The following SEC23A variants were observed in gnomAD, a reference collection of about 807,000 sequenced individuals.
SEC23A encodes the protein SEC23 homolog A, COPII component, also known as protein transport protein Sec23A.
A neutral mutation model predicts 103.7 loss-of-function variants in SEC23A; 56 were observed. That is an observed-to-expected ratio of 0.54 (90% CI 0.44 to 0.67). The LOEUF is 0.67. Ranked by LOEUF, SEC23A falls within the 30% of genes least tolerant of loss-of-function variation. The pLI is 0.00. For missense variants in SEC23A, 784 were observed against 936.4 expected, an observed-to-expected ratio of 0.84 and a Z score of 2.12; for synonymous variants, 281 against 293.0, an observed-to-expected ratio of 0.96 and a Z score of 0.42.
intron 9 of SEC23A, 70 bp downstream of exon 9, chr14:39,074,342 CATT>C: frequency 1.1e-6 from 1 of 952,160 alleles, no homozygotes; most frequent in South Asian, 1.3e-5. Context: ...CCTAAATGGT[CATT>C]ATTGGTTTAT....
In SEC23A at chr14:39,086,925, T is replaced by C. The variant is rs1295234962; in HGVS notation, c.683+4A>G. On this transcript the variant is annotated splice_donor_region_variant and intron_variant, in intron 6 of 19. Coordinates refer to ENST00000307712, the MANE Select transcript of SEC23A (RefSeq NM_006364.4). ...GGTCAAATTCTCTTCATCATATTTA[T>C]TACCTGTTGGAAGGAGGTGGCTGCT... is the stretch of plus-strand genomic sequence containing the variant. 4.5e-6 allele frequency: 7 copies of C among 1,553,696 alleles called. No individual in the cohort carries two copies. Among genetic ancestry groups the C allele is most frequent in the African/African-American group, 2.7e-5 (2 of 73,558 alleles).
At chr14:39,067,400 A>T in intron 9 of SEC23A, 104 bp from the exon 10 acceptor site, 13 of 1,286,498 alleles carry the variant, frequency 1.0e-5, no homozygotes, top group Non-Finnish European at 1.4e-5. Context: ...ATAAATTTTA[A>T]AGATATTTCC....
At chr14:39,086,012 C>T in intron 6 of SEC23A, 106 bp from the exon 7 acceptor site, 1 of 985,924 alleles carries the variant, frequency 1.0e-6, no homozygotes, top group East Asian at 2.4e-5. Flanking sequence ...TCTGAACACA[C>T]AGCAGACCAA....
intron 14 of SEC23A, among the ~76,000 whole-genome samples, chr14:39,053,291 AG>A (rs982642982): frequency 6.6e-6 from 1 of 152,278 alleles, no homozygotes; most frequent in Non-Finnish European, 1.5e-5. Context: ...ACGAGTTAAC[AG>A]GTTTCAATGA....
At chr14:39,048,840 T>G in intron 14 of SEC23A, 111 bp from the exon 15 acceptor site, 1 of 659,622 alleles carries the variant, frequency 1.5e-6, no homozygotes, top group South Asian at 1.7e-5. Context: ...AGCAGATACT[T>G]GATAAAGAAT....
At chr14:39,042,172 G>A (rs1274602681) in intron 17 of SEC23A, among the ~76,000 whole-genome samples, 1 of 152,176 alleles carries the variant, frequency 6.6e-6, no homozygotes, top group Non-Finnish European at 1.5e-5. Context: ...CTGTAAGTTT[G>A]AGAACAGATC....
At chr14:39,050,623 C>T (rs978562913) in intron 14 of SEC23A, among the ~76,000 whole-genome samples, 20 of 152,130 alleles carry the variant, frequency 1.3e-4, no homozygotes, top group African/African-American at 4.8e-4. Flanking sequence ...GATGAATCAG[C>T]CATCAATTTT....
chr14:39,085,624 A>G lies in SEC23A; in HGVS notation c.828+138T>C, dbSNP rs536376585. ...AAAACCATAGAAGTATTCTTTGTTG[A>G]TGCTGAGTGAGAGAATAGGGAGGAA... On this transcript the variant is annotated intron_variant, in intron 7 of 19. Coordinates refer to ENST00000307712, the MANE Select transcript of SEC23A (RefSeq NM_006364.4). The G allele has an allele frequency of 1.3e-5, 13 of 1,012,556 alleles. No individual in the cohort carries two copies. The East Asian group carries it at 3.4e-4, about 27-fold the overall frequency. 62.7% of individuals were successfully genotyped at this position (1,012,556 alleles called of 1,614,324 possible).
chr14:39,054,665 G>A (rs890040513), intron 14 of SEC23A, among the ~76,000 whole-genome samples: 1 of 151,816 alleles, frequency 6.6e-6, no homozygotes, highest in Non-Finnish European at 1.5e-5. Flanking sequence ...CAGGGGTTTC[G>A]CCATGTTGCC....
chr14:39,054,315 GTCA>G (rs1886169908), intron 14 of SEC23A, among the ~76,000 whole-genome samples: 1 of 151,658 alleles, frequency 6.6e-6, no homozygotes, highest in Admixed American at 6.6e-5. Flanking sequence ...AGTGCTCTGT[GTCA>G]TAATGTAAGT....
At chr14:39,072,703 A>G (rs1433519603) in intron 9 of SEC23A, among the ~76,000 whole-genome samples, 3 of 152,156 alleles carry the variant, frequency 2.0e-5, no homozygotes, top group Non-Finnish European at 4.4e-5. Context: ...AGTCCCAGCT[A>G]CTCAGGAGGC....
In SEC23A at chr14:39,085,703, C is replaced by T. The variant is rs868218765; in HGVS notation, c.828+59G>A. ...ATAATTATATATACACACACACACA[C>T]ACACACACACACACACACACACACA... On this transcript the variant is annotated intron_variant, in intron 7 of 19. Coordinates refer to ENST00000307712, the MANE Select transcript of SEC23A (RefSeq NM_006364.4). The T allele has an allele frequency of 2.0e-3, 2,751 of 1,375,358 alleles. 35 individuals carry two copies. In the African/African-American group the frequency reaches 0.033, roughly 17 times the overall value. 85.2% of individuals were successfully genotyped at this position (1,375,358 alleles called of 1,614,324 possible).
rs534007660 is a variant in SEC23A, at chr14:39,057,365, T to C, written c.1506-2069A>G. On this transcript the variant is annotated intron_variant, in intron 13 of 19. Transcript: ENST00000307712. ...GAAGTTTTTAAAAAACAGAGATTTTTTTAAGAGACAAGGTCTCACTCTATC... is the reference window on the plus strand; with the variant it reads ...GAAGTTTTTAAAAAACAGAGATTTTCTTAAGAGACAAGGTCTCACTCTATC... Among the ~76,000 whole-genome samples the C allele has an allele frequency of 2.6e-5, 4 of 152,288 alleles. No homozygotes were observed. The South Asian group carries it at 8.3e-4, about 32-fold the overall frequency.
intron 1 of SEC23A, among the ~76,000 whole-genome samples, chr14:39,100,415 A>C (rs1594493386): frequency 1.6e-5 from 1 of 63,112 alleles, no homozygotes; most frequent in African/African-American, 6.7e-5. Context: ...AGCCAACTTA[A>C]CTTTTTTTTT....
chr14:39,057,658 G>A (rs543180656), intron 13 of SEC23A, among the ~76,000 whole-genome samples: 7 of 152,092 alleles, frequency 4.6e-5, no homozygotes, highest in African/African-American at 1.2e-4. Context: ...ATGAGCCACC[G>A]CACTTGGCCA....
chr14:39,044,575 A>C (rs1407019972), intron 16 of SEC23A, among the ~76,000 whole-genome samples: 1 of 152,216 alleles, frequency 6.6e-6, no homozygotes, highest in Non-Finnish European at 1.5e-5. Context: ...TTTAAGTAGT[A>C]AAACAGACCA....
At position 39,074,411 on chromosome 14, in the gene SEC23A, A is replaced by T. The variant is rs1211854882; in HGVS notation, c.1103+4T>A. The stretch of plus-strand genomic sequence containing the variant: ...ACAAAAACTGTAAAAATTTAAATAC[A>T]TACCCAGTAAGGTTGGGACAGCATT... On this transcript the variant is annotated splice_donor_region_variant and intron_variant, in intron 9 of 19. Transcript: ENST00000307712. The T allele has an allele frequency of 1.9e-6, 3 of 1,554,868 alleles. No homozygotes were observed. The highest frequency in any genetic ancestry group is 2.7e-6 in the Non-Finnish European group (3 of 1,126,442).
chr14:39,090,392 C>G (rs1887617440), intron 5 of SEC23A, among the ~76,000 whole-genome samples: 1 of 152,002 alleles, frequency 6.6e-6, no homozygotes, highest in Non-Finnish European at 1.5e-5. Context: ...CTCTTATGGA[C>G]TATCAAAATC....
rs754596322 is a variant in SEC23A at position 39,091,573 on chromosome 14, A to G, written c.507T>C (p.Phe169=). 5 of 1,614,068 alleles carry G rather than the reference A, an allele frequency of 3.1e-6. No individual in the cohort carries two copies. In the Admixed American group the frequency reaches 8.3e-5, roughly 27 times the overall value. Residue 169 remains phenylalanine (F), a synonymous_variant, in exon 5 of 20, where the codon TTT becomes TTC. Transcript: ENST00000307712. ...PPTALVGLIT[F]GRMVQVHELG... is the part of the protein sequence containing the mutation. ...GTTCATGAACCTGAACCATTCTCCCAAAAGTAATAAGTCCAACCAAAGCTG... is the reference window on the plus strand; with the variant it reads ...GTTCATGAACCTGAACCATTCTCCCGAAAGTAATAAGTCCAACCAAAGCTG...
Sources: allele counts gnomAD v4.1 joint callset (sites outside exome capture counted in the v4.1 genomes callset), GRCh38; gene constraint gnomAD v4.1.1; transcripts MANE v1.5; gene names NCBI Gene and HGNC (gene_info 2026-07-23, HGNC 2026-07-21).